The following BROX variants were observed in gnomAD, a reference collection of about 807,000 sequenced individuals.
BROX encodes BRO1 domain and CAAX motif containing.
BROX carries 53 observed loss-of-function variants against 61.0 expected under a neutral mutation model. That is an observed-to-expected ratio of 0.87 (90% CI 0.70 to 1.09). The LOEUF (loss-of-function observed/expected upper bound fraction) is 1.09. Among genes scored for constraint, BROX ranks in the 50% least tolerant of loss-of-function variants. BROX has a pLI of 0.00. For missense variants in BROX, 489 were observed against 472.0 expected, an observed-to-expected ratio of 1.04 and a Z score of -0.33; for synonymous variants, 152 against 160.2, an observed-to-expected ratio of 0.95 and a Z score of 0.38.
rs922668938 is a variant in BROX, at chr1:222,715,755, A to G, written c.56A>G (p.Asn19Ser). ...PLKATAPVSF[N>S]YYGVVTGPSA... is the part of the protein sequence containing the mutation. Reference sequence around the variant, plus strand: ...AAAGCCACAGCTCCTGTGTCTTTTAATTACTATGGTGTAGTCACTGGCCCT... The same window carrying G: ...AAAGCCACAGCTCCTGTGTCTTTTAGTTACTATGGTGTAGTCACTGGCCCT... Residue 19 changes from asparagine (N) to serine (S), a missense_variant, in exon 2 of 13, where the codon AAT becomes AGT. By Grantham distance (46) the Asn-to-Ser change is conservative. Transcript: ENST00000340934. 10 of 1,597,344 alleles carry G rather than the reference A, an allele frequency of 6.3e-6. No individual in the cohort carries two copies. In the African/African-American group the frequency reaches 9.4e-5, roughly 15 times the overall value.
At chr1:222,720,195 G>C (rs539712842) in intron 4 of BROX, among the ~76,000 whole-genome samples, 2 of 152,236 alleles carry the variant, frequency 1.3e-5, no homozygotes, top group African/African-American at 4.8e-5. Flanking sequence ...TTTGTGAGAA[G>C]CAAAATAAGA....
At chr1:222,713,253 C>G in intron 1 of BROX, 1 of 986,168 alleles carries the variant, frequency 1.0e-6, no homozygotes, top group Non-Finnish European at 1.2e-6. Context: ...CCCGGGTTGA[C>G]AGTATCGGCT....
In BROX at chr1:222,712,663, A is replaced by C; in HGVS notation, c.-296A>C. ...TGTCTGGGAAAAAGACCATAGCTCA[A>C]AAGGAAGGCCGAGGGAGAAGTTAGA... On this transcript the variant is annotated 5_prime_UTR_variant, in exon 1 of 13. Transcript: ENST00000340934. The C allele has an allele frequency of 7.7e-7, 1 of 1,306,136 alleles. No individual in the cohort carries two copies. Among genetic ancestry groups the C allele is most frequent in the Non-Finnish European group, 1.0e-6 (1 of 998,342 alleles). The allele number at this position is 1,306,136 out of a possible 1,614,324, so 80.9% of individuals were successfully genotyped here. A position where few individuals can be genotyped will look rare whatever the true frequency, so the allele number is the denominator to read the frequency against.
intron 2 of BROX, among the ~76,000 whole-genome samples, chr1:222,716,111 T>A (rs985950169): frequency 6.6e-6 from 1 of 152,156 alleles, no homozygotes; most frequent in Non-Finnish European, 1.5e-5. Context: ...TTATTTTTAT[T>A]TTTTGAGATG....
At chr1:222,729,566 G>C in intron 9 of BROX, 54 bp from the exon 10 acceptor site, 2 of 1,382,232 alleles carry the variant, frequency 1.4e-6, no homozygotes, top group Admixed American at 3.4e-5. Flanking sequence ...TAAAACAATA[G>C]GGGAAAGCAT....
rs766185705 is a variant in BROX, at chr1:222,731,516, T to A, written c.1149T>A (p.Ser383Arg). The change falls in exon 12 of 13, where the codon AGT (serine) becomes AGA (arginine). Residue 383 changes from serine (S) to arginine (R), a missense_variant and splice_region_variant. By Grantham distance (110) the Ser-to-Arg change is moderately radical (BLOSUM62 -1). Transcript: ENST00000340934. ...TCACCAAAAGACCCAAGGATGACAG[T>A]GTATGAGATTGTTTTTTTTTTTCCC... ...FDLTKRPKDD[S>R]TKPKPEEEVK... 6.3e-7 allele frequency: 1 copy of A among 1,575,380 alleles called. No homozygotes were observed. The highest frequency in any genetic ancestry group is 2.2e-5 in the Admixed American group (1 of 45,796).
At position 222,727,183 on chromosome 1, in the gene BROX, C is replaced by T; in HGVS notation, c.596C>T (p.Ala199Val). ...TTGGTTACAGTAACAATTGCTCGAG[C>T]AATTGAACTAAAACATGCTCCTGGA... ...AEAQEVTIAR[A>V]IELKHAPGLI... Residue 199 changes from alanine to valine, a missense_variant, in exon 8 of 13, where the codon GCA becomes GTA. Transcript: ENST00000340934. 1 of 1,612,192 alleles carries T rather than the reference C, an allele frequency of 6.2e-7. No individual in the cohort carries two copies. The highest frequency in any genetic ancestry group is 8.5e-7 in the Non-Finnish European group (1 of 1,178,880).
chr1:222,730,780 A>T (rs1042488888), intron 11 of BROX, among the ~76,000 whole-genome samples: 3 of 151,542 alleles, frequency 2.0e-5, no homozygotes, highest in African/African-American at 7.3e-5. Context: ...TTTTCTCTTA[A>T]CTCTGTTTCC....
At chr1:222,713,017 A>G (rs1243675097) in intron 1 of BROX, 75 bp downstream of exon 1, 1 of 1,156,536 alleles carries the variant, frequency 8.6e-7, no homozygotes, top group East Asian at 6.4e-5. Flanking sequence ...CAATAGGATC[A>G]CCCCCTTTTA....
At chr1:222,724,052 T>C in intron 5 of BROX, 40 bp from the exon 6 acceptor site, 2 of 1,425,402 alleles carry the variant, frequency 1.4e-6, no homozygotes, top group African/African-American at 1.4e-5. Flanking sequence ...ATACCAGAAA[T>C]GGAATTCATC....
At chr1:222,717,750 T>G (rs140619822) in intron 2 of BROX, 1 of 152,364 alleles carries the variant, frequency 6.6e-6, no homozygotes, top group East Asian at 1.9e-4. Flanking sequence ...GTCTGTGCTC[T>G]CTTCTAAACA....
intron 1 of BROX, among the ~76,000 whole-genome samples, chr1:222,714,992 C>T (rs988366207): frequency 6.6e-6 from 1 of 152,178 alleles, no homozygotes; most frequent in African/African-American, 2.4e-5. Context: ...AGAACACATG[C>T]TATAACCAAT....
rs1284994826 is a variant in BROX at position 222,719,011 on chromosome 1, C to G, written c.188C>G (p.Ser63Ter). The G allele has an allele frequency of 1.1e-5, 18 of 1,613,064 alleles. No individual in the cohort carries two copies. The highest frequency in any genetic ancestry group is 1.7e-5 in the Admixed American group (1 of 59,754). ...NPEMMKNAAD[S>*]YFSLLQGFIN... is the part of the protein sequence containing the mutation. ...GAAATGATGAAGAATGCAGCAGATT[C>G]ATATTTCTCACTTTTACAAGGTTAG... The change falls in exon 3 of 13, where the codon TCA (serine) becomes TGA (stop). Residue 63 changes from serine to a stop codon, truncating the protein, a stop_gained. Coordinates refer to ENST00000340934, the MANE Select transcript of BROX (RefSeq NM_144695.4). LOFTEE classifies it high-confidence loss of function.
rs764647410 is a variant in BROX, at chr1:222,719,232, T to C, written c.209-31T>C. 3.3e-5 allele frequency: 50 copies of C among 1,493,808 alleles called. No individual in the cohort carries two copies. In the South Asian group the frequency reaches 3.4e-4, roughly 10 times the overall value. 92.5% of individuals were successfully genotyped at this position (1,493,808 alleles called of 1,614,324 possible). ...CACTCAATATTTCTTCTAATTCTTC[T>C]AAAACTAAAATGTCTTGTACTTTTC... is the stretch of plus-strand genomic sequence containing the variant. On this transcript the variant is annotated intron_variant, in intron 3 of 12. Transcript: ENST00000340934.
In BROX at chr1:222,715,723, C is replaced by G. The variant is rs774871995; in HGVS notation, c.24C>G (p.Asn8Lys). 7 of 1,572,542 alleles carry G rather than the reference C, an allele frequency of 4.5e-6. No homozygotes were observed. The highest frequency in any genetic ancestry group is 6.0e-6 in the Non-Finnish European group (7 of 1,157,912). The change falls in exon 2 of 13, where the codon AAC becomes AAG. Residue 8 changes from asparagine (N) to lysine (K), a missense_variant. Transcript: ENST00000340934. MTHWFHRNPLKATAPVSF... is the reference protein window; with the variant it reads MTHWFHRKPLKATAPVSF... ...AAATGACCCATTGGTTTCATAGGAA[C>G]CCATTAAAAGCCACAGCTCCTGTGT... is the stretch of plus-strand genomic sequence containing the variant.
intron 5 of BROX, 41 bp from the exon 6 acceptor site, chr1:222,724,051 A>G: frequency 7.0e-7 from 1 of 1,419,512 alleles, no homozygotes; most frequent in Non-Finnish European, 9.8e-7. Context: ...AATACCAGAA[A>G]TGGAATTCAT....
chr1:222,734,087 A>T lies in BROX; in HGVS notation c.*1373A>T, dbSNP rs1658137276. On this transcript the variant is annotated 3_prime_UTR_variant, in exon 13 of 13. Transcript: ENST00000340934. Reference sequence around the variant, plus strand: ...CTTAAAAATAGATTGTAACATTTTAAACAATTAGTTTAGTAATTTGGGAAA... The same window carrying T: ...CTTAAAAATAGATTGTAACATTTTATACAATTAGTTTAGTAATTTGGGAAA... 6.6e-6 allele frequency: 1 copy of T among 152,236 alleles called. No homozygotes were observed. 9.4% of individuals were successfully genotyped at this position (152,236 alleles called of 1,614,324 possible).
chr1:222,722,010 C>G (rs756342671), intron 4 of BROX, among the ~76,000 whole-genome samples: 6 of 152,082 alleles, frequency 3.9e-5, no homozygotes, highest in Admixed American at 6.5e-5. Flanking sequence ...GAAACAATCT[C>G]TCCTCTGAAT....
Position 222,718,979 on chromosome 1 carries a change from T to G in BROX, c.156T>G (p.Cys52Trp). ...TTGAACTGTTCACTGATTTGAGCTG[T>G]AATCCAGAAATGATGAAGAATGCAG... Reference protein sequence around the residue: ...RLLELFTDLSCNPEMMKNAAD... With the variant: ...RLLELFTDLSWNPEMMKNAAD... The change falls in exon 3 of 13, where the codon TGT becomes TGG. Residue 52 changes from cysteine (C) to tryptophan (W), a missense_variant. Cys to Trp is a radical substitution (Grantham distance 215). Transcript: ENST00000340934. The G allele has an allele frequency of 6.2e-7, 1 of 1,613,966 alleles. No individual in the cohort carries two copies. The highest frequency in any genetic ancestry group is 1.1e-5 in the South Asian group (1 of 91,062).
Sources: allele counts gnomAD v4.1 joint callset (sites outside exome capture counted in the v4.1 genomes callset), GRCh38; gene constraint gnomAD v4.1.1; transcripts MANE v1.5; gene names NCBI Gene and HGNC (gene_info 2026-07-23, HGNC 2026-07-21).